Variants in DENND2B observed in about 807,000 individuals in gnomAD.
DENND2B encodes DENN domain containing 2B.
DENND2B carries 32 observed loss-of-function variants against 116.0 expected under a neutral mutation model. The ratio of observed to expected loss-of-function variants is 0.28; its 90% CI spans 0.21 to 0.37. The LOEUF (loss-of-function observed/expected upper bound fraction) is 0.37, where lower values mean the gene tolerates loss of function less well. Ranked by LOEUF, DENND2B falls within the 10% of genes least tolerant of loss-of-function variation. The probability of loss-of-function intolerance (pLI) is 1.00; values close to 1 mark genes in which losing one functional copy is unlikely to be tolerated. For synonymous variants in DENND2B, 588 were observed against 583.9 expected (o/e 1.01, Z -0.10); for missense variants, 1,276 against 1,477.7 (o/e 0.86, Z 2.24).
At chr11:8,840,748 C>G (rs1052964448) in intron 3 of DENND2B, among the ~76,000 whole-genome samples, 1 of 152,188 alleles carries the variant, frequency 6.6e-6, no homozygotes, top group Admixed American at 6.5e-5. Context: ...ATAGGAAGCA[C>G]TGGCAGACAG....
chr11:8,859,909 A>G (rs1406309459), intron 2 of DENND2B, among the ~76,000 whole-genome samples: 2 of 152,066 alleles, frequency 1.3e-5, no homozygotes, highest in African/African-American at 4.8e-5. Context: ...AAATTTCTCA[A>G]GCTGTAAAAA....
chr11:8,762,678 T>C (rs150377841), intron 1 of DENND2B, among the ~76,000 whole-genome samples: 4 of 152,250 alleles, frequency 2.6e-5, no homozygotes, highest in East Asian at 3.9e-4. Context: ...CTGACCAACA[T>C]GGAGAAATCT....
At chr11:8,894,337 G>A (rs924864766) in intron 1 of DENND2B, among the ~76,000 whole-genome samples, 10 of 152,166 alleles carry the variant, frequency 6.6e-5, no homozygotes, top group Non-Finnish European at 1.0e-4. Context: ...CATAGGCATA[G>A]GCAAGGACTT....
intron 2 of DENND2B, among the ~76,000 whole-genome samples, chr11:8,732,625 G>A (rs2048306351): frequency 7.1e-6 from 1 of 140,334 alleles, no homozygotes. Flanking sequence ...GGTGCTCGGT[G>A]AATGATGAAG....
intron 1 of DENND2B, among the ~76,000 whole-genome samples, chr11:8,773,726 G>A (rs1436522965): frequency 6.6e-6 from 1 of 151,976 alleles, no homozygotes; most frequent in Non-Finnish European, 1.5e-5. Context: ...TGGAATCTCT[G>A]GAAAAAATGT....
intron 1 of DENND2B, among the ~76,000 whole-genome samples, chr11:8,890,297 CAG>C (rs1352607020): frequency 3.9e-5 from 6 of 152,156 alleles, no homozygotes; most frequent in African/African-American, 1.4e-4. Flanking sequence ...GGGGAAAAAA[CAG>C]AGCAGAAAAG....
At chr11:8,824,697 T>A (rs1223910529) in intron 4 of DENND2B, among the ~76,000 whole-genome samples, 2 of 151,822 alleles carry the variant, frequency 1.3e-5, no homozygotes, top group African/African-American at 4.8e-5. Context: ...AAAATTTTTT[T>A]TTTTTTTTGG....
At chr11:8,894,782 C>T (rs895088858) in intron 1 of DENND2B, among the ~76,000 whole-genome samples, 17 of 152,126 alleles carry the variant, frequency 1.1e-4, no homozygotes, top group Non-Finnish European at 2.2e-4. Context: ...GAAATAGGAA[C>T]ACTTTTACAC....
Position 8,696,417 on chromosome 11 carries a change from C to T in DENND2B, c.3292+10G>A. 1 of 1,613,570 alleles carries T rather than the reference C, an allele frequency of 6.2e-7. No homozygotes were observed. Among genetic ancestry groups the T allele is most frequent in the Non-Finnish European group, 8.5e-7 (1 of 1,179,676 alleles). Reference sequence around the variant, plus strand: ...AAAATTAGAGAAGAGAGCTGATAACCAAGACTTACCCTTTGCCCGACACTT... The same window carrying T: ...AAAATTAGAGAAGAGAGCTGATAACTAAGACTTACCCTTTGCCCGACACTT... On this transcript the variant is annotated intron_variant, in intron 18 of 19. Coordinates refer to ENST00000313726, the MANE Select transcript of DENND2B (RefSeq NM_213618.2).
intron 1 of DENND2B, among the ~76,000 whole-genome samples, chr11:8,888,149 C>T (rs2063983230): frequency 6.6e-6 from 1 of 152,186 alleles, no homozygotes; most frequent in African/African-American, 2.4e-5. Context: ...CAGGAAAAGG[C>T]TTGGACCTAA....
chr11:8,773,743 T>G (rs951683950), intron 1 of DENND2B, among the ~76,000 whole-genome samples: 3 of 151,936 alleles, frequency 2.0e-5, no homozygotes, highest in Non-Finnish European at 2.9e-5. Flanking sequence ...ATGTCCTCAT[T>G]CCAAATCTGT....
chr11:8,904,441 A>G (rs1311875614), intron 1 of DENND2B, among the ~76,000 whole-genome samples: 1 of 152,198 alleles, frequency 6.6e-6, no homozygotes, highest in African/African-American at 2.4e-5. Context: ...TTAACCTAAT[A>G]AAGAGTATCT....
chr11:8,757,318 C>T (rs969531563), intron 1 of DENND2B, among the ~76,000 whole-genome samples: 15 of 152,204 alleles, frequency 9.9e-5, no homozygotes, highest in African/African-American at 3.6e-4. Context: ...TGGAAGACAA[C>T]CTCTCCATTC....
intron 3 of DENND2B, among the ~76,000 whole-genome samples, chr11:8,840,826 T>C (rs954868088): frequency 6.6e-6 from 1 of 152,146 alleles, no homozygotes; most frequent in African/African-American, 2.4e-5. Context: ...GCTTTCTTCC[T>C]GGCCTGGCCA....
chr11:8,775,779 C>A (rs1285729293), intron 1 of DENND2B, among the ~76,000 whole-genome samples: 1 of 152,174 alleles, frequency 6.6e-6, no homozygotes, highest in Non-Finnish European at 1.5e-5. Context: ...TCACCTCATA[C>A]CTAGTTTACT....
At chr11:8,814,236 C>G (rs2061491231), upstream of DENND2B, among the ~76,000 whole-genome samples, 2 of 151,242 alleles carry the variant, frequency 1.3e-5, no homozygotes, top group Middle Eastern at 3.5e-3. Flanking sequence ...CCACTCTCCC[C>G]TCACAAAGTC....
At chr11:8,736,468 G>A (rs1592937088) in intron 2 of DENND2B, among the ~76,000 whole-genome samples, 1 of 152,316 alleles carries the variant, frequency 6.6e-6, no homozygotes, top group Non-Finnish European at 1.5e-5. Flanking sequence ...TGTTTAGAGT[G>A]AGCAGGTAAC....
At chr11:8,749,253 G>T (rs1593121895) in intron 2 of DENND2B, among the ~76,000 whole-genome samples, 1 of 152,162 alleles carries the variant, frequency 6.6e-6, no homozygotes, top group Non-Finnish European at 1.5e-5. Flanking sequence ...TTCTGGAGGA[G>T]GTCAGTTTCT....
chr11:8,702,899 G>T lies in DENND2B; in HGVS notation c.2572-179C>A. 1.3e-6 allele frequency: 1 copy of T among 763,254 alleles called. No individual in the cohort carries two copies. The highest frequency in any genetic ancestry group is 2.0e-6 in the Non-Finnish European group (1 of 492,480). 47.3% of individuals were successfully genotyped at this position (763,254 alleles called of 1,614,324 possible). A position where few individuals can be genotyped will look rare whatever the true frequency, so the allele number is the denominator to read the frequency against. On this transcript the variant is annotated intron_variant, in intron 13 of 19. Transcript: ENST00000313726. This position sits in a 1 kb window ranked among gnomAD's most constrained non-coding sequence, Gnocchi z 4.6. ...TCCCTCGGACTACAGCTCTGCTCTC[G>T]TAGCACTCGAACACCCAGCCTGTGG...
Sources: allele counts gnomAD v4.1 joint callset (sites outside exome capture counted in the v4.1 genomes callset), GRCh38; gene constraint gnomAD v4.1.1; non-coding constraint Gnocchi (gnomAD v3.1); transcripts MANE v1.5; gene names NCBI Gene and HGNC (gene_info 2026-07-23, HGNC 2026-07-21).